ST3GAL4: variants seen among roughly 807,000 people sequenced by gnomAD.
ST3GAL4 encodes the protein CMP-N-acetylneuraminate-beta-galactosamide-alpha-2,3-sialyltransferase 4.
A neutral mutation model predicts 42.6 loss-of-function variants in ST3GAL4; 24 were observed. That is an observed-to-expected ratio of 0.56 (90% CI 0.41 to 0.79). The LOEUF is 0.79. Ranked by LOEUF, ST3GAL4 falls within the 30% of genes least tolerant of loss-of-function variation. The pLI is 0.00. For missense variants in ST3GAL4, 311 were observed against 430.8 expected (o/e 0.72, Z 2.46); for synonymous variants, 135 against 163.2 (o/e 0.83, Z 1.32).
chr11:126,357,599 C>T (rs929711348), intron 1 of ST3GAL4, among the ~76,000 whole-genome samples: 1 of 152,198 alleles, frequency 6.6e-6, no homozygotes, highest in Non-Finnish European at 1.5e-5. Flanking sequence ...CCTCGTTAGA[C>T]TCCTAGAATC....
chr11:126,407,760 T>G (rs1023682593), intron 6 of ST3GAL4, 126 bp downstream of exon 6: 64 of 1,054,882 alleles, frequency 6.1e-5, no homozygotes, highest in Admixed American at 4.3e-5. Flanking sequence ...CAGCCAATTC[T>G]CATGGTAGCC....
At chr11:126,370,527 T>C (rs1952601975) in intron 1 of ST3GAL4, among the ~76,000 whole-genome samples, 1 of 152,260 alleles carries the variant, frequency 6.6e-6, no homozygotes, top group African/African-American at 2.4e-5. Context: ...TAAGTTAATA[T>C]ATGTACATCT....
chr11:126,370,373 A>G (rs908311547), intron 1 of ST3GAL4, among the ~76,000 whole-genome samples: 2 of 152,220 alleles, frequency 1.3e-5, no homozygotes, highest in African/African-American at 4.8e-5. Context: ...AAATGTAGAT[A>G]AATGTCTTAT....
rs1348167337 is a variant in ST3GAL4, at chr11:126,410,549, G to C, written c.771+1138G>C. 6.6e-6 allele frequency among the ~76,000 whole-genome samples: 1 copy of C among 152,204 alleles called. No homozygotes were observed. The highest frequency in any genetic ancestry group is 1.5e-5 in the Non-Finnish European group (1 of 68,052). On this transcript the variant is annotated intron_variant, in intron 9 of 10. Coordinates refer to ENST00000444328, the MANE Select transcript of ST3GAL4 (RefSeq NM_001254757.2). This position sits in a 1 kb window ranked among gnomAD's most constrained non-coding sequence, Gnocchi z 5.3. ...TTGTAGGAGTTTGAAAAATAATAATGATGTAAAATACCTATTCTGGAGACC... is the reference window on the plus strand; with the variant it reads ...TTGTAGGAGTTTGAAAAATAATAATCATGTAAAATACCTATTCTGGAGACC...
intron 1 of ST3GAL4, among the ~76,000 whole-genome samples, chr11:126,388,259 T>C (rs1482587790): frequency 1.3e-5 from 2 of 152,224 alleles, no homozygotes; most frequent in African/African-American, 4.8e-5. Flanking sequence ...ATGACCATAG[T>C]TTCTTATTTG....
rs1325522880 is a variant in ST3GAL4, at chr11:126,408,100, C to T, written c.343C>T (p.Leu115Phe). The T allele has an allele frequency of 1.9e-6, 3 of 1,613,500 alleles. No individual in the cohort carries two copies. The highest frequency in any genetic ancestry group is 2.5e-6 in the Non-Finnish European group (3 of 1,179,858). ...SSSIPKNIQS[L>F]RCRRCVVVGN... ...AGACCACTCCTCTTTCTATGGCAGC[C>T]TCAGGTGCCGCCGCTGTGTGGTCGT... Residue 115 changes from leucine to phenylalanine, a missense_variant and splice_region_variant, in exon 7 of 11, where the codon CTC becomes TTC. Coordinates refer to ENST00000444328, the MANE Select transcript of ST3GAL4 (RefSeq NM_001254757.2).
At position 126,376,898 on chromosome 11, in the gene ST3GAL4, G is replaced by T. The variant is rs1391630762; in HGVS notation, c.-61+21056G>T. On this transcript the variant is annotated intron_variant, in intron 1 of 10. Coordinates refer to ENST00000444328, the MANE Select transcript of ST3GAL4 (RefSeq NM_001254757.2). The surrounding 1 kb of genome is among the most constrained non-coding windows in gnomAD (Gnocchi z 5.1). ...CAGTGTTGCTTTCCTCAAGTTGAAT[G>T]ATCCTCATGGTAACTGTTTGATATT... The T allele has an allele frequency of 1.3e-5, 2 of 152,210 alleles. No homozygotes were observed. The highest frequency in any genetic ancestry group is 3.8e-4 in the East Asian group (2 of 5,198). 9.4% of individuals were successfully genotyped at this position (152,210 alleles called of 1,614,324 possible). A position where few individuals can be genotyped will look rare whatever the true frequency, so the allele number is the denominator to read the frequency against.
intron 1 of ST3GAL4, among the ~76,000 whole-genome samples, chr11:126,371,823 T>C (rs1952663019): frequency 6.6e-6 from 1 of 152,248 alleles, no homozygotes. Context: ...GGTATGCACG[T>C]GTTCAGCCTG....
At chr11:126,367,272 C>A (rs1471882728) in intron 1 of ST3GAL4, among the ~76,000 whole-genome samples, 2 of 152,180 alleles carry the variant, frequency 1.3e-5, no homozygotes, top group South Asian at 4.1e-4. Context: ...TGCCACCACA[C>A]CCCAGCAGCG....
chr11:126,377,808 C>T (rs568137268), intron 1 of ST3GAL4, among the ~76,000 whole-genome samples: 54 of 152,338 alleles, frequency 3.5e-4, no homozygotes, highest in Non-Finnish European at 5.9e-4. Flanking sequence ...GGAACAAGGT[C>T]TCCCTTTTTG....
In ST3GAL4 at chr11:126,359,217, A is replaced by T. The variant is rs999933859; in HGVS notation, c.-61+3375A>T. Reference sequence around the variant, plus strand: ...TGAACATCTGTACATCTGTCCCCATAATGAAAATGGCCTCAGCAAATAACA... The same window carrying T: ...TGAACATCTGTACATCTGTCCCCATTATGAAAATGGCCTCAGCAAATAACA... On this transcript the variant is annotated intron_variant, in intron 1 of 10. Transcript: ENST00000444328. This position sits in a 1 kb window ranked among gnomAD's most constrained non-coding sequence, Gnocchi z 4.8. 2.0e-5 allele frequency among the ~76,000 whole-genome samples: 3 copies of T among 152,144 alleles called. No homozygotes were observed.
Position 126,373,606 on chromosome 11 carries a change from C to T in ST3GAL4, c.-61+17764C>T, listed in dbSNP as rs950330208. On this transcript the variant is annotated intron_variant, in intron 1 of 10. Coordinates refer to ENST00000444328, the MANE Select transcript of ST3GAL4 (RefSeq NM_001254757.2). The surrounding 1 kb of genome is among the most constrained non-coding windows in gnomAD (Gnocchi z 5.5). ...AGTCTGCAGTGCCAGGCTGCAGGGG[C>T]GGACGGGAGGGGGTCGTGGTGGGTA... is the stretch of plus-strand genomic sequence containing the variant. 3.9e-5 allele frequency among the ~76,000 whole-genome samples: 6 copies of T among 151,924 alleles called. No individual in the cohort carries two copies. The highest frequency in any genetic ancestry group is 2.6e-4 in the Admixed American group (4 of 15,248).
intron 1 of ST3GAL4, chr11:126,403,538 C>G (rs989670816): frequency 1.4e-6 from 1 of 740,046 alleles, no homozygotes; most frequent in African/African-American, 1.9e-5. Context: ...GGCCCCACCC[C>G]TAACCAATTA....
rs370666152 is a variant in ST3GAL4, at chr11:126,408,302, C to G, written c.438-5C>G. 8 of 1,613,674 alleles carry G rather than the reference C, an allele frequency of 5.0e-6. No individual in the cohort carries two copies. The African/African-American group carries it at 1.1e-4, about 22-fold the overall frequency. On this transcript the variant is annotated splice_region_variant and splice_polypyrimidine_tract_variant and intron_variant, in intron 7 of 10. Coordinates refer to ENST00000444328, the MANE Select transcript of ST3GAL4 (RefSeq NM_001254757.2). ...AGTGATGGGAATCCTCCTCCCAACCCCCAGATTGAACAATGCCCCAGTGGC... is the reference window on the plus strand; with the variant it reads ...AGTGATGGGAATCCTCCTCCCAACCGCCAGATTGAACAATGCCCCAGTGGC...
chr11:126,364,329 G>C (rs934716920), intron 1 of ST3GAL4, among the ~76,000 whole-genome samples: 2 of 149,316 alleles, frequency 1.3e-5, no homozygotes, highest in African/African-American at 5.0e-5. Context: ...CGGGAGGAGA[G>C]GGCAGGAGAC....
Position 126,359,468 on chromosome 11 carries a change from G to A in ST3GAL4, c.-61+3626G>A, listed in dbSNP as rs573836648. ...TGAGCTAGGACTCAAATCCAGGCTT[G>A]CTTCCAAAACCTTCACTTTTCAGCC... is the stretch of plus-strand genomic sequence containing the variant. On this transcript the variant is annotated intron_variant, in intron 1 of 10. Transcript: ENST00000444328. This position sits in a 1 kb window ranked among gnomAD's most constrained non-coding sequence, Gnocchi z 4.8. 1.3e-5 allele frequency among the ~76,000 whole-genome samples: 2 copies of A among 152,316 alleles called. No individual in the cohort carries two copies. Among genetic ancestry groups the A allele is most frequent in the South Asian group, 2.1e-4 (1 of 4,830 alleles).
chr11:126,409,901 T>C lies in ST3GAL4; in HGVS notation c.771+490T>C, dbSNP rs560607831. ...GGAGTCAATGTAGTTTTGCAAGTTA[T>C]GGGTTTTTGTTTTGTTTTAAAGATA... On this transcript the variant is annotated intron_variant, in intron 9 of 10. Transcript: ENST00000444328. The surrounding 1 kb of genome is among the most constrained non-coding windows in gnomAD (Gnocchi z 4.9). 6.6e-6 allele frequency among the ~76,000 whole-genome samples: 1 copy of C among 152,140 alleles called. No homozygotes were observed. Among genetic ancestry groups the C allele is most frequent in the African/African-American group, 2.4e-5 (1 of 41,446 alleles).
rs1237617663 is a variant in ST3GAL4, at chr11:126,400,399, G to A, written c.-60-5697G>A. The stretch of plus-strand genomic sequence containing the variant: ...TTTATTAGGCCCTGCTTATACTGTT[G>A]CACTGGGGATCAAGTTGCAGCACTT... On this transcript the variant is annotated intron_variant, in intron 1 of 10. Transcript: ENST00000444328. This position sits in a 1 kb window ranked among gnomAD's most constrained non-coding sequence, Gnocchi z 4.6. Among the ~76,000 whole-genome samples the A allele has an allele frequency of 6.6e-6, 1 of 152,202 alleles. No homozygotes were observed. The highest frequency in any genetic ancestry group is 2.4e-5 in the African/African-American group (1 of 41,458).
At chr11:126,381,721 C>T (rs1348126591) in intron 1 of ST3GAL4, among the ~76,000 whole-genome samples, 1 of 151,288 alleles carries the variant, frequency 6.6e-6, no homozygotes, top group African/African-American at 2.4e-5. Context: ...GAGGAGGGGC[C>T]GTGGGACCTG....
Sources: gnomAD v4.1 joint callset for allele counts (sites outside exome capture counted in the v4.1 genomes callset) on GRCh38, gnomAD v4.1.1 for gene constraint, Gnocchi (gnomAD v3.1) non-coding constraint, MANE v1.5 for transcripts, NCBI Gene and HGNC (gene_info 2026-07-23, HGNC 2026-07-21) for gene names.